Variants in ATF1 observed in about 807,000 individuals in gnomAD.
The protein encoded by ATF1 is activating transcription factor 1.
Under a neutral mutation model 34.7 loss-of-function variants are expected in ATF1, and 16 were observed. The ratio of observed to expected loss-of-function variants is 0.46; its 90% confidence interval spans 0.31 to 0.70. The LOEUF (loss-of-function observed/expected upper bound fraction) is 0.70, where lower values mean the gene tolerates loss of function less well. Among genes scored for constraint, ATF1 ranks in the 30% least tolerant of loss-of-function variants. The probability of loss-of-function intolerance (pLI) is 0.05; values close to 1 mark genes in which losing one functional copy is unlikely to be tolerated. For synonymous variants in ATF1, 105 were observed against 113.1 expected, an observed-to-expected ratio of 0.93 and a Z score of 0.46; for missense variants, 255 against 321.6, an observed-to-expected ratio of 0.79 and a Z score of 1.58.
chr12:50,778,131 G>T (rs1468746171), intron 1 of ATF1, among the ~76,000 whole-genome samples: 2 of 151,374 alleles, frequency 1.3e-5, no homozygotes, highest in African/African-American at 2.4e-5. Context: ...GCCAGGTCTG[G>T]TCTCAAACTC....
chr12:50,763,777 G>GC, upstream of ATF1: 1 of 151,894 alleles, frequency 6.6e-6, no homozygotes, highest in Non-Finnish European at 1.5e-5. Flanking sequence ...CGATGAAAAC[G>GC]CCCCCCGCGA....
At chr12:50,763,929 G>T (rs1238544509), upstream of ATF1, 1 of 152,326 alleles carries the variant, frequency 6.6e-6, no homozygotes, top group Admixed American at 6.5e-5. Context: ...CCACAAGTCA[G>T]GACCGCGTAC....
At chr12:50,778,029 G>A (rs904144746) in intron 1 of ATF1, among the ~76,000 whole-genome samples, 3 of 149,086 alleles carry the variant, frequency 2.0e-5, no homozygotes, top group Admixed American at 6.8e-5. Flanking sequence ...CAATCCTCTC[G>A]CCTCAGCCTC....
chr12:50,810,734 C>T (rs879477028), intron 4 of ATF1, among the ~76,000 whole-genome samples: 7 of 152,050 alleles, frequency 4.6e-5, no homozygotes, highest in African/African-American at 1.7e-4. Flanking sequence ...TCAGTCTTGC[C>T]ACAAAATATA....
chr12:50,797,144 CA>C (rs1175135005), intron 3 of ATF1, among the ~76,000 whole-genome samples: 9 of 152,132 alleles, frequency 5.9e-5, no homozygotes, highest in African/African-American at 2.2e-4. Flanking sequence ...GTCCAGTACA[CA>C]ACATACATAG....
intron 1 of ATF1, among the ~76,000 whole-genome samples, chr12:50,764,804 G>A (rs996235998): frequency 2.6e-5 from 4 of 152,258 alleles, no homozygotes; most frequent in Non-Finnish European, 5.9e-5. Context: ...CCCTCCTGGA[G>A]CTTGCAGTCT....
At chr12:50,811,290 G>A (rs892007453) in intron 4 of ATF1, among the ~76,000 whole-genome samples, 4 of 152,026 alleles carry the variant, frequency 2.6e-5, no homozygotes, top group Non-Finnish European at 4.4e-5. Flanking sequence ...GTACATATTA[G>A]TTTAATTATA....
chr12:50,780,985 A>G (rs1178989782), intron 2 of ATF1, among the ~76,000 whole-genome samples: 1 of 152,074 alleles, frequency 6.6e-6, no homozygotes, highest in Non-Finnish European at 1.5e-5. Context: ...TAAAAAATAA[A>G]ATAGAAAAAC....
intron 3 of ATF1, among the ~76,000 whole-genome samples, chr12:50,806,024 G>A (rs911380600): frequency 2.0e-5 from 3 of 152,026 alleles, no homozygotes; most frequent in Admixed American, 6.6e-5. Context: ...GGTGGCGCAC[G>A]CCTGTAATCC....
chr12:50,788,335 A>G (rs1941229628), intron 2 of ATF1: 1 of 400,056 alleles, frequency 2.5e-6, no homozygotes, highest in Non-Finnish European at 4.9e-6. Flanking sequence ...GGTGTGTGCC[A>G]TCACATCCGG....
intron 6 of ATF1, among the ~76,000 whole-genome samples, chr12:50,818,267 G>A (rs1245302245): frequency 6.6e-6 from 1 of 151,954 alleles, no homozygotes; most frequent in African/African-American, 2.4e-5. Flanking sequence ...AATAAAATTA[G>A]CTGGTGTGGT....
intron 4 of ATF1, among the ~76,000 whole-genome samples, chr12:50,810,290 T>C (rs1017436147): frequency 6.7e-6 from 1 of 149,300 alleles, no homozygotes; most frequent in Non-Finnish European, 1.5e-5. Flanking sequence ...TGATCTCGGC[T>C]CACTGCAACT....
chr12:50,776,092 C>T (rs562962932), intron 1 of ATF1, among the ~76,000 whole-genome samples: 2 of 152,100 alleles, frequency 1.3e-5, no homozygotes, highest in Non-Finnish European at 2.9e-5. Flanking sequence ...GAGGGCGGAT[C>T]ATGAGGTCAG....
intron 5 of ATF1, 40 bp downstream of exon 5, chr12:50,814,232 G>A: frequency 6.2e-7 from 1 of 1,613,474 alleles, no homozygotes; most frequent in Non-Finnish European, 8.5e-7. Context: ...TCCTAACACT[G>A]TCAGAGACAC....
intron 1 of ATF1, among the ~76,000 whole-genome samples, chr12:50,775,972 C>T (rs752605715): frequency 2.0e-5 from 3 of 152,008 alleles, no homozygotes; most frequent in Non-Finnish European, 4.4e-5. Context: ...GTAGGTGGAT[C>T]GTTTGAGCTT....
At chr12:50,813,647 C>G (rs1941781603) in intron 4 of ATF1, among the ~76,000 whole-genome samples, 1 of 152,008 alleles carries the variant, frequency 6.6e-6, no homozygotes, top group East Asian at 1.9e-4. Flanking sequence ...AGCTCCGTCT[C>G]TACTAAAAAT....
chr12:50,773,981 T>C (rs964691161), intron 1 of ATF1, among the ~76,000 whole-genome samples: 2 of 152,174 alleles, frequency 1.3e-5, no homozygotes, highest in African/African-American at 4.8e-5. Context: ...CTTAAAAAGC[T>C]CTTAGTTTAT....
chr12:50,786,286 A>G (rs1941183862), intron 2 of ATF1, among the ~76,000 whole-genome samples: 1 of 152,218 alleles, frequency 6.6e-6, no homozygotes, highest in Non-Finnish European at 1.5e-5. Context: ...TATGTTCTAT[A>G]AAATAATAAA....
chr12:50,793,329 A>G (rs948621191), intron 2 of ATF1, among the ~76,000 whole-genome samples: 2 of 152,180 alleles, frequency 1.3e-5, no homozygotes, highest in Admixed American at 1.3e-4. Context: ...TTAGATTAGA[A>G]ATGAAGTATT....
Sources: allele counts gnomAD v4.1 joint callset (sites outside exome capture counted in the v4.1 genomes callset), GRCh38; gene constraint gnomAD v4.1.1; transcripts MANE v1.5; gene names NCBI Gene and HGNC (gene_info 2026-07-23, HGNC 2026-07-21).